The following LRP6 variants were observed in gnomAD, a reference collection of about 807,000 sequenced individuals.
LRP6 encodes the protein LDL receptor related protein 6, also known as low-density lipoprotein receptor-related protein 6.
Under a neutral mutation model 184.1 loss-of-function variants are expected in LRP6, and 43 were observed. The observed-to-expected ratio is 0.23, with a 90% confidence interval of 0.18 to 0.30. The LOEUF is 0.30. LRP6 is among the 10% of genes least tolerant of loss of function. The pLI is 1.00. For synonymous variants in LRP6, 719 were observed against 684.9 expected (o/e 1.05, Z -0.78); for missense variants, 1,571 against 2,005.3 (o/e 0.78, Z 4.14).
At chr12:12,196,620 T>TCTTTTC (rs1333329903) in intron 3 of LRP6, among the ~76,000 whole-genome samples, 1 of 152,050 alleles carries the variant, frequency 6.6e-6, no homozygotes, top group African/African-American at 2.4e-5. Flanking sequence ...CGTTCAAGTC[T>TCTTTTC]CTTTTCCTGT....
chr12:12,125,521 T>A (rs987435580), intron 20 of LRP6, 89 bp from the exon 21 acceptor site: 2 of 1,165,278 alleles, frequency 1.7e-6, no homozygotes, highest in Admixed American at 1.9e-5. Context: ...ATTACAAATA[T>A]CAACAGTGAA....
intron 1 of LRP6, among the ~76,000 whole-genome samples, chr12:12,257,669 T>C (rs1019449435): frequency 2.2e-5 from 3 of 135,994 alleles, no homozygotes; most frequent in South Asian, 2.4e-4. Context: ...AGGCCAGGCA[T>C]GGTGGCTCAT....
intron 1 of LRP6, among the ~76,000 whole-genome samples, chr12:12,260,302 CG>C: frequency 6.6e-6 from 1 of 150,998 alleles, no homozygotes; most frequent in South Asian, 2.1e-4. Context: ...GGCGTGAACC[CG>C]GGGGGCGGAG....
chr12:12,132,480 C>A (rs1197867348), intron 17 of LRP6, among the ~76,000 whole-genome samples: 1 of 152,062 alleles, frequency 6.6e-6, no homozygotes, highest in Non-Finnish European at 1.5e-5. Flanking sequence ...TTCAGGGGAC[C>A]CACTAGGTAA....
chr12:12,163,377 T>C (rs1031014891), intron 9 of LRP6, among the ~76,000 whole-genome samples: 1 of 152,164 alleles, frequency 6.6e-6, no homozygotes, highest in African/African-American at 2.4e-5. Flanking sequence ...TGAACACCAT[T>C]AGAATCCAAC....
At chr12:12,216,906 CTTCTTAGCATGACATATAAGAGCCT>C (rs1199380863) in intron 2 of LRP6, among the ~76,000 whole-genome samples, 1 of 141,152 alleles carries the variant, frequency 7.1e-6, no homozygotes, top group Non-Finnish European at 1.5e-5. Context: ...GAATCCCAAA[CTTCTTAGCATGACATATAAGAGCCT>C]TTCTAATTTG....
rs1463423727 is a variant in LRP6, at chr12:12,119,986, ACAAAATAT to A, written c.*1132_*1139del. 12 of 109,542 alleles carry A rather than the reference ACAAAATAT, an allele frequency of 1.1e-4. No homozygotes were observed. Among genetic ancestry groups the A allele is most frequent in the African/African-American group, 2.3e-4 (7 of 29,854 alleles). 6.8% of individuals were successfully genotyped at this position (109,542 alleles called of 1,614,324 possible). The stretch of plus-strand genomic sequence containing the variant: ...TTTTACTCAGAAAACAAACAAACAA[ACAAAATAT>A]ATATATATATATATATATATATATA... On this transcript the variant is annotated 3_prime_UTR_variant, in exon 23 of 23. Transcript: ENST00000261349.
At chr12:12,216,831 C>T (rs1038133345) in intron 2 of LRP6, among the ~76,000 whole-genome samples, 5 of 150,248 alleles carry the variant, frequency 3.3e-5, no homozygotes, top group African/African-American at 1.2e-4. Flanking sequence ...CCCTCCCACA[C>T]ACCCTCCCCC....
chr12:12,195,241 G>T (rs1863721942), intron 3 of LRP6, among the ~76,000 whole-genome samples: 1 of 152,052 alleles, frequency 6.6e-6, no homozygotes, highest in Non-Finnish European at 1.5e-5. Flanking sequence ...GGATCATATG[G>T]TAGTTCTATT....
At chr12:12,245,731 GA>G (rs1940264128) in intron 1 of LRP6, among the ~76,000 whole-genome samples, 1 of 152,070 alleles carries the variant, frequency 6.6e-6, no homozygotes. Flanking sequence ...TTAACTTTGA[GA>G]AAGTTGAAGC....
intron 7 of LRP6, among the ~76,000 whole-genome samples, chr12:12,172,900 G>A (rs1045431152): frequency 6.6e-6 from 1 of 152,166 alleles, no homozygotes; most frequent in African/African-American, 2.4e-5. Context: ...CAATTACAGT[G>A]CTATATTCAA....
At chr12:12,263,660 T>C (rs914186614) in intron 1 of LRP6, among the ~76,000 whole-genome samples, 30 of 150,988 alleles carry the variant, frequency 2.0e-4, no homozygotes, top group Admixed American at 2.0e-4. Flanking sequence ...CTGGGCAACA[T>C]AGCAAAACTC....
intron 3 of LRP6, among the ~76,000 whole-genome samples, chr12:12,188,661 T>C (rs1264488194): frequency 2.0e-5 from 3 of 152,214 alleles, no homozygotes; most frequent in Non-Finnish European, 4.4e-5. Context: ...TCACCAGTTT[T>C]CTCATTTTCC....
intron 4 of LRP6, among the ~76,000 whole-genome samples, chr12:12,186,210 A>G (rs1863470014): frequency 6.6e-6 from 1 of 152,178 alleles, no homozygotes; most frequent in South Asian, 2.1e-4. Context: ...AAGAAATAAT[A>G]TGAACAAAAA....
rs1949762160 is a variant in LRP6 at position 12,131,788 on chromosome 12, T to C, written c.3970+33A>G. 1.9e-6 allele frequency: 3 copies of C among 1,559,458 alleles called. No homozygotes were observed. In the African/African-American group the frequency reaches 4.1e-5, roughly 21 times the overall value. Reference sequence around the variant, plus strand: ...TAAACAACTGAATGGGAAAAAAGGATTGCATGCTGAGGCACTGAAGAATTC... The same window carrying C: ...TAAACAACTGAATGGGAAAAAAGGACTGCATGCTGAGGCACTGAAGAATTC... On this transcript the variant is annotated intron_variant, in intron 18 of 22. Transcript: ENST00000261349.
intron 1 of LRP6, among the ~76,000 whole-genome samples, chr12:12,251,882 T>G (rs1865333469): frequency 6.6e-6 from 1 of 152,206 alleles, no homozygotes; most frequent in African/African-American, 2.4e-5. Context: ...TCAATATTTT[T>G]TTTAAGAGAC....
intron 7 of LRP6, among the ~76,000 whole-genome samples, chr12:12,174,839 A>G (rs770386716): frequency 3.5e-4 from 53 of 152,252 alleles, no homozygotes; most frequent in Non-Finnish European, 6.8e-4. Context: ...AGTTCTTGGT[A>G]CTAAAGGTTC....
At chr12:12,146,760 G>A (rs1281166785) in intron 15 of LRP6, among the ~76,000 whole-genome samples, 1 of 152,200 alleles carries the variant, frequency 6.6e-6, no homozygotes, top group Non-Finnish European at 1.5e-5. Context: ...AACTTTCATG[G>A]AGAAAAACTG....
chr12:12,183,986 T>C lies in LRP6; in HGVS notation c.970A>G (p.Lys324Glu), dbSNP rs780074436. 3.1e-6 allele frequency: 5 copies of C among 1,613,328 alleles called. No individual in the cohort carries two copies. Among genetic ancestry groups the C allele is most frequent in the East Asian group, 4.5e-5 (2 of 44,848 alleles). Residue 324 changes from lysine (K) to glutamate (E), a missense_variant, in exon 5 of 23, where the codon AAA becomes GAA. Physicochemically the swap from Lys to Glu is moderately conservative, Grantham distance 56. Transcript: ENST00000261349. ...TTGGATAATATCTTCTTACCATCTTTGCAGGTTTTTCCATTCTCCAGGAGT... is the reference window on the plus strand; with the variant it reads ...TTGGATAATATCTTCTTACCATCTTCGCAGGTTTTTCCATTCTCCAGGAGT... ...VKLLENGKTC[K>E]DGATELLLLA...
Sources: allele counts gnomAD v4.1 joint callset (sites outside exome capture counted in the v4.1 genomes callset), GRCh38; gene constraint gnomAD v4.1.1; transcripts MANE v1.5; gene names NCBI Gene and HGNC (gene_info 2026-07-23, HGNC 2026-07-21).